The following RIMS2 variants were observed in gnomAD, a reference collection of about 807,000 sequenced individuals.
RIMS2 encodes the protein regulating synaptic membrane exocytosis protein 2.
Under a neutral mutation model 174.4 loss-of-function variants are expected in RIMS2, and 59 were observed. The ratio of observed to expected loss-of-function variants is 0.34; its 90% CI spans 0.27 to 0.42. The LOEUF (loss-of-function observed/expected upper bound fraction) is 0.42, where lower values mean the gene tolerates loss of function less well. Ranked by LOEUF, RIMS2 falls within the 10% of genes least tolerant of loss-of-function variation. The pLI, the probability that RIMS2 is intolerant of heterozygous loss-of-function variation, is 1.00. For synonymous variants in RIMS2, 606 were observed against 572.5 expected, an observed-to-expected ratio of 1.06 and a Z score of -0.84; for missense variants, 1,620 against 1,666.3, an observed-to-expected ratio of 0.97 and a Z score of 0.48.
intron 1 of RIMS2, among the ~76,000 whole-genome samples, chr8:103,530,282 T>C (rs1384617285): frequency 6.6e-6 from 1 of 151,922 alleles, no homozygotes; most frequent in Non-Finnish European, 1.5e-5. Flanking sequence ...CCTTCCAAGC[T>C]AATAGAGAAG....
At chr8:104,004,278 G>T (rs908944771) in intron 17 of RIMS2, among the ~76,000 whole-genome samples, 16 of 152,172 alleles carry the variant, frequency 1.1e-4, no homozygotes, top group Non-Finnish European at 1.9e-4. Context: ...TGAAATGAGG[G>T]CTTAGAAGTT....
At chr8:103,646,659 C>G (rs2096340505) in intron 1 of RIMS2, among the ~76,000 whole-genome samples, 2 of 152,054 alleles carry the variant, frequency 1.3e-5, no homozygotes, top group Admixed American at 1.3e-4. Context: ...ATTTAGTTTT[C>G]TCTTCCTGTG....
At chr8:103,763,190 C>T (rs2098130882) in intron 2 of RIMS2, among the ~76,000 whole-genome samples, 1 of 152,084 alleles carries the variant, frequency 6.6e-6, no homozygotes, top group African/African-American at 2.4e-5. Context: ...GTAATCCTAG[C>T]ACTTTGGAAG....
intron 4 of RIMS2, among the ~76,000 whole-genome samples, chr8:103,901,695 G>A (rs1299546786): frequency 6.6e-6 from 1 of 152,034 alleles, no homozygotes; most frequent in African/African-American, 2.4e-5. Context: ...TCAATTACAT[G>A]TTTTTAAAGA....
At chr8:103,889,251 G>A (rs1305693661) in intron 4 of RIMS2, among the ~76,000 whole-genome samples, 5 of 151,586 alleles carry the variant, frequency 3.3e-5, no homozygotes, top group African/African-American at 1.2e-4. Flanking sequence ...ATGTTTTTCT[G>A]TATTTTTATA....
At chr8:103,952,284 T>C (rs1239928068) in intron 14 of RIMS2, among the ~76,000 whole-genome samples, 1 of 152,196 alleles carries the variant, frequency 6.6e-6, no homozygotes. Flanking sequence ...CCTCCTCAAG[T>C]GGGTCCCTGA....
intron 16 of RIMS2, among the ~76,000 whole-genome samples, chr8:103,979,089 T>C (rs917705154): frequency 6.6e-6 from 1 of 152,168 alleles, no homozygotes; most frequent in Non-Finnish European, 1.5e-5. Context: ...TCCTGGAACT[T>C]ATCTAAAATA....
intron 2 of RIMS2, among the ~76,000 whole-genome samples, chr8:103,758,167 T>G (rs1591786460): frequency 6.6e-6 from 1 of 152,132 alleles, no homozygotes; most frequent in East Asian, 1.9e-4. Context: ...CTCCTGTCTT[T>G]CTCTTCTTCT....
intron 1 of RIMS2, among the ~76,000 whole-genome samples, chr8:103,691,870 G>A (rs1297004239): frequency 1.3e-5 from 2 of 152,146 alleles, no homozygotes; most frequent in South Asian, 2.1e-4. Flanking sequence ...TGGGTATTGT[G>A]ATGTATGTCT....
intron 1 of RIMS2, among the ~76,000 whole-genome samples, chr8:103,604,700 G>T (rs1405082799): frequency 7.2e-6 from 1 of 139,818 alleles, no homozygotes; most frequent in African/African-American, 2.8e-5. Flanking sequence ...AGTTCTCCTT[G>T]AAGAGGTCCT....
At chr8:104,104,215 G>A (rs933932076) in intron 19 of RIMS2, among the ~76,000 whole-genome samples, 1 of 152,138 alleles carries the variant, frequency 6.6e-6, no homozygotes, top group Non-Finnish European at 1.5e-5. Context: ...TGAAGATTTG[G>A]AATAACTACT....
chr8:104,102,275 A>C (rs1184482526), intron 19 of RIMS2, among the ~76,000 whole-genome samples: 4 of 151,914 alleles, frequency 2.6e-5, no homozygotes, highest in Non-Finnish European at 5.9e-5. Flanking sequence ...CCTTCTATAC[A>C]CTCAGTCTCA....
intron 1 of RIMS2, among the ~76,000 whole-genome samples, chr8:103,573,218 G>C (rs1289948910): frequency 6.6e-6 from 1 of 151,534 alleles, no homozygotes; most frequent in Non-Finnish European, 1.5e-5. Context: ...ACCACGCCCA[G>C]CTAATTTTTG....
chr8:103,824,785 T>A (rs549452855), intron 3 of RIMS2, among the ~76,000 whole-genome samples: 24 of 152,222 alleles, frequency 1.6e-4, no homozygotes, highest in Non-Finnish European at 3.2e-4. Flanking sequence ...AACGTCCAGC[T>A]GCTTACTTAA....
chr8:104,101,586 A>C (rs2131096660), intron 19 of RIMS2, among the ~76,000 whole-genome samples: 1 of 152,286 alleles, frequency 6.6e-6, no homozygotes, highest in Non-Finnish European at 1.5e-5. Flanking sequence ...ATATATATAC[A>C]CACACATAGC....
intron 3 of RIMS2, among the ~76,000 whole-genome samples, chr8:103,855,326 A>G (rs1309355069): frequency 1.3e-5 from 2 of 151,680 alleles, no homozygotes; most frequent in Admixed American, 6.6e-5. Context: ...GATATTTTGT[A>G]TGGATTTTTG....
intron 17 of RIMS2, among the ~76,000 whole-genome samples, chr8:103,992,725 T>C (rs2094808568): frequency 6.6e-6 from 1 of 152,192 alleles, no homozygotes; most frequent in African/African-American, 2.4e-5. Flanking sequence ...GTGTTATCAT[T>C]AGTCAAAATC....
intron 1 of RIMS2, among the ~76,000 whole-genome samples, chr8:103,505,197 G>C (rs527667771): frequency 6.6e-6 from 1 of 151,928 alleles, no homozygotes; most frequent in Non-Finnish European, 1.5e-5. Context: ...GCCAACTACT[G>C]TTACTAGTAT....
intron 19 of RIMS2, among the ~76,000 whole-genome samples, chr8:104,179,692 C>A (rs987510111): frequency 2.0e-5 from 3 of 151,562 alleles, no homozygotes; most frequent in African/African-American, 7.3e-5. Flanking sequence ...TGAATATACA[C>A]CTATTTATAA....
Sources: allele counts gnomAD v4.1 joint callset (sites outside exome capture counted in the v4.1 genomes callset), GRCh38; gene constraint gnomAD v4.1.1; transcripts MANE v1.5; gene names NCBI Gene and HGNC (gene_info 2026-07-23, HGNC 2026-07-21).